BLTP3B: variants seen among roughly 807,000 people sequenced by gnomAD.
The protein encoded by BLTP3B is bridge-like lipid transfer protein family member 3B.
chr12:100,041,634 A>G, the BLTP3B span, among the ~76,000 whole-genome samples: 2 of 151,674 alleles, frequency 1.3e-5, no homozygotes, highest in Non-Finnish European at 2.9e-5. Context: ...ATGGGGTTTC[A>G]CCATGTTGGC....
At chr12:100,112,763 G>A in the BLTP3B span, among the ~76,000 whole-genome samples, 1 of 151,832 alleles carries the variant, frequency 6.6e-6, no homozygotes, top group Admixed American at 6.6e-5. Flanking sequence ...AGGAGGCTGA[G>A]GCAGGAGAAT....
the BLTP3B span, chr12:100,047,462 G>T: frequency 8.5e-7 from 1 of 1,169,708 alleles, no homozygotes; most frequent in East Asian, 2.4e-5. Flanking sequence ...TCGTGCCATT[G>T]CACTCAAGCC....
At chr12:100,103,955 C>A in the BLTP3B span, 3,357 of 1,595,570 alleles carry the variant, frequency 2.1e-3, 73 homozygotes, top group African/African-American at 0.038. Context: ...ATGGGATCTA[C>A]AAATGAAAAA....
chr12:100,135,004 C>T, the BLTP3B span, among the ~76,000 whole-genome samples: 2 of 152,128 alleles, frequency 1.3e-5, no homozygotes, highest in African/African-American at 2.4e-5. Context: ...TATTTAATTC[C>T]CACATGGCTG....
the BLTP3B span, among the ~76,000 whole-genome samples, chr12:100,084,180 C>T: frequency 6.6e-6 from 1 of 151,210 alleles, no homozygotes; most frequent in Non-Finnish European, 1.5e-5. Flanking sequence ...CAGAGTGAGA[C>T]CCTGTCTCAA....
chr12:100,125,236 A>G, the BLTP3B span, among the ~76,000 whole-genome samples: 2,983 of 149,440 alleles, frequency 0.02, 31 homozygotes, highest in African/African-American at 0.028. Flanking sequence ...GGGAGGCTGA[A>G]GCAGGAGAAT....
the BLTP3B span, among the ~76,000 whole-genome samples, chr12:100,141,160 G>A: frequency 6.6e-6 from 1 of 151,862 alleles, no homozygotes; most frequent in Non-Finnish European, 1.5e-5. Context: ...AATTTTAAAA[G>A]AAACTTTTCA....
At chr12:100,088,852 A>C in the BLTP3B span, 1 of 1,288,056 alleles carries the variant, frequency 7.8e-7, no homozygotes, top group South Asian at 1.7e-5. Flanking sequence ...TTTAATAAAC[A>C]ATCCAGTTTT....
the BLTP3B span, chr12:100,058,063 G>C: frequency 1.9e-6 from 3 of 1,583,792 alleles, no homozygotes; most frequent in African/African-American, 1.4e-5. Context: ...GTTCTAACTG[G>C]GGGGGTCTCT....
the BLTP3B span, chr12:100,037,237 A>T: frequency 1.0e-6 from 1 of 972,586 alleles, no homozygotes. Flanking sequence ...ATAATAGTAA[A>T]TTATTAACAA....
the BLTP3B span, chr12:100,083,102 T>C: frequency 6.2e-7 from 1 of 1,613,822 alleles, no homozygotes; most frequent in Admixed American, 1.7e-5. Context: ...ACTGAAGGTG[T>C]TCTGCATGTC....
At chr12:100,042,935 G>T in the BLTP3B span, among the ~76,000 whole-genome samples, 23 of 152,100 alleles carry the variant, frequency 1.5e-4, no homozygotes, top group Non-Finnish European at 3.1e-4. Flanking sequence ...GGGTAGCTCG[G>T]ATTACAGATG....
the BLTP3B span, among the ~76,000 whole-genome samples, chr12:100,103,035 G>A: frequency 6.6e-6 from 1 of 151,936 alleles, no homozygotes; most frequent in South Asian, 2.1e-4. Flanking sequence ...AGAACACAAA[G>A]CACTCAATCA....
chr12:100,082,666 G>A, the BLTP3B span, among the ~76,000 whole-genome samples: 18 of 152,234 alleles, frequency 1.2e-4, no homozygotes, highest in Admixed American at 1.3e-4. Context: ...CCCACTGCTT[G>A]TTATTGTCGA....
At chr12:100,130,473 T>G in the BLTP3B span, among the ~76,000 whole-genome samples, 3 of 152,348 alleles carry the variant, frequency 2.0e-5, no homozygotes, top group Non-Finnish European at 2.9e-5. Flanking sequence ...CCTTAAGTAC[T>G]GGTAGGAATG....
chr12:100,097,513 G>A, the BLTP3B span: 6 of 1,594,286 alleles, frequency 3.8e-6, no homozygotes, highest in African/African-American at 4.0e-5. Flanking sequence ...AACCTAAGGA[G>A]AACACAGAGA....
chr12:100,111,165 A>G, the BLTP3B span, among the ~76,000 whole-genome samples: 1 of 151,718 alleles, frequency 6.6e-6, no homozygotes, highest in African/African-American at 2.4e-5. Context: ...AGAAATGTTT[A>G]TATTATAATG....
chr12:100,074,699 A>T, the BLTP3B span, among the ~76,000 whole-genome samples: 1 of 152,094 alleles, frequency 6.6e-6, no homozygotes, highest in African/African-American at 2.4e-5. Flanking sequence ...AAAAAATTTT[A>T]AAATATTTAA....
the BLTP3B span, among the ~76,000 whole-genome samples, chr12:100,065,766 T>C: frequency 6.6e-6 from 1 of 152,192 alleles, no homozygotes; most frequent in African/African-American, 2.4e-5. Flanking sequence ...TTTTGCCCTT[T>C]GCCTTGTGAT....
Sources: allele counts gnomAD v4.1 joint callset (sites outside exome capture counted in the v4.1 genomes callset), GRCh38; gene constraint gnomAD v4.1.1; transcripts MANE v1.5; gene names NCBI Gene and HGNC (gene_info 2026-07-23, HGNC 2026-07-21).